ZNF746: variants seen among roughly 807,000 people sequenced by gnomAD.
The protein encoded by ZNF746 is parkin-interacting substrate.
A neutral mutation model predicts 41.0 loss-of-function variants in ZNF746; 13 were observed. That is an observed-to-expected ratio of 0.32 (90% CI 0.21 to 0.50). The LOEUF is 0.50. ZNF746 is among the 20% of genes least tolerant of loss of function. ZNF746 has a pLI of 0.98. For synonymous variants in ZNF746, 424 were observed against 396.2 expected, an observed-to-expected ratio of 1.07 and a Z score of -0.83; for missense variants, 811 against 922.9, an observed-to-expected ratio of 0.88 and a Z score of 1.57.
At chr7:149,476,850 A>G in intron 6 of ZNF746, 72 bp downstream of exon 6, 1 of 1,606,906 alleles carries the variant, frequency 6.2e-7, no homozygotes, top group Non-Finnish European at 8.5e-7. Context: ...ACCAGTGAAA[A>G]TGGGATGCCT....
chr7:149,475,176 C>T lies in ZNF746; in HGVS notation c.1191G>A (p.Trp397Ter). 1 of 1,612,684 alleles carries T rather than the reference C, an allele frequency of 6.2e-7. No individual in the cohort carries two copies. Residue 397 changes from tryptophan (W) to a stop codon, truncating the protein, a stop_gained, in exon 7 of 7, where the codon TGG becomes TGA. Coordinates refer to ENST00000458143, the MANE Select transcript of ZNF746 (RefSeq NM_001394198.1). LOFTEE classifies it low-confidence loss of function (END_TRUNC). ...DWLFGGVRWG[W>*]NFRCKPPVGL... is the part of the protein sequence containing the mutation. ...CCACTGGCGGTTTACACCGGAAATT[C>T]CAGCCCCACCGGACCCCTCCGAAGA...
intron 4 of ZNF746, among the ~76,000 whole-genome samples, chr7:149,484,714 G>GA (rs1180827426): frequency 6.6e-6 from 1 of 151,726 alleles, no homozygotes; most frequent in South Asian, 2.1e-4. Context: ...TATTTAAAAA[G>GA]AAAAAAATTA....
chr7:149,489,567 TGAG>T (rs1033704651), intron 4 of ZNF746: 2 of 152,286 alleles, frequency 1.3e-5, no homozygotes, highest in African/African-American at 2.4e-5. Flanking sequence ...GGGACCTGCC[TGAG>T]GAGGATTCCC....
At chr7:149,478,577 G>C (rs1173049277) in intron 4 of ZNF746, among the ~76,000 whole-genome samples, 2 of 152,178 alleles carry the variant, frequency 1.3e-5, no homozygotes, top group Admixed American at 1.3e-4. Context: ...CTGCCTCAGA[G>C]GGGCACCCAC....
In ZNF746 at chr7:149,497,123, G is replaced by A; in HGVS notation, c.24+390C>T. 4 of 985,342 alleles carry A rather than the reference G, an allele frequency of 4.1e-6. No individual in the cohort carries two copies. Among genetic ancestry groups the A allele is most frequent in the Non-Finnish European group, 4.8e-6 (4 of 829,894 alleles). The allele number at this position is 985,342 out of a possible 1,614,324, so 61.0% of individuals were successfully genotyped here. A position where few individuals can be genotyped will look rare whatever the true frequency, so the allele number is the denominator to read the frequency against. On this transcript the variant is annotated intron_variant, in intron 1 of 6. Transcript: ENST00000458143. This position sits in a 1 kb window ranked among gnomAD's most constrained non-coding sequence, Gnocchi z 4.2. ...ATTCGAAGCCGGACACCTCCCAGGT[G>A]CCACCAGGCCGCTGCGGGGGAGATG... is the stretch of plus-strand genomic sequence containing the variant.
chr7:149,493,873 G>T, intron 3 of ZNF746, 116 bp downstream of exon 3: 1 of 1,541,684 alleles, frequency 6.5e-7, no homozygotes, highest in Non-Finnish European at 8.9e-7. Context: ...CAACTTGCAA[G>T]GTCAACAATG....
chr7:149,488,422 T>C (rs1800689513), intron 4 of ZNF746: 1 of 152,186 alleles, frequency 6.6e-6, no homozygotes, highest in East Asian at 1.9e-4. Context: ...AAAACTTCCA[T>C]ACAAGAACTA....
intron 5 of ZNF746, 41 bp downstream of exon 5, chr7:149,477,523 C>A (rs760849611): frequency 2.6e-6 from 4 of 1,556,886 alleles, no homozygotes; most frequent in Non-Finnish European, 3.5e-6. Context: ...CTCCTGTGAT[C>A]CCTGCAACTT....
In ZNF746 at chr7:149,473,825, C is replaced by T. The variant is rs1034082985; in HGVS notation, c.*559G>A. On this transcript the variant is annotated 3_prime_UTR_variant, in exon 7 of 7. Coordinates refer to ENST00000458143, the MANE Select transcript of ZNF746 (RefSeq NM_001394198.1). ...AAGCTGGGAAATGCAACCGCTACTC[C>T]CGGAGGGGTCCTTCCTGCTGCACTG... 16 of 157,110 alleles carry T rather than the reference C, an allele frequency of 1.0e-4. No individual in the cohort carries two copies. The highest frequency in any genetic ancestry group is 5.7e-4 in the South Asian group (3 of 5,304). The allele number at this position is 157,110 out of a possible 1,614,324, so 9.7% of individuals were successfully genotyped here.
At chr7:149,482,208 AAAAGGT>A (rs1156369545) in intron 4 of ZNF746, among the ~76,000 whole-genome samples, 2 of 152,318 alleles carry the variant, frequency 1.3e-5, no homozygotes, top group Admixed American at 6.5e-5. Flanking sequence ...TTGGATATTT[AAAAGGT>A]AAAGGTAAAG....
chr7:149,493,881 A>G (rs1418667219), intron 3 of ZNF746, 108 bp downstream of exon 3: 4 of 1,570,916 alleles, frequency 2.5e-6, no homozygotes, highest in Non-Finnish European at 2.6e-6. Context: ...AAGGTCAACA[A>G]TGTTTCTGGT....
In ZNF746 at chr7:149,474,533, C is replaced by A; in HGVS notation, c.1834G>T (p.Ala612Ser). 1 of 1,606,868 alleles carries A rather than the reference C, an allele frequency of 6.2e-7. No homozygotes were observed. The highest frequency in any genetic ancestry group is 8.5e-7 in the Non-Finnish European group (1 of 1,176,992). The stretch of plus-strand genomic sequence containing the variant: ...GGCGTCGGGAGTGGCTGGCCTCGGG[C>A]CGGGGTCTTGGCGCCCGCTGCATGG... The part of the protein sequence containing the change: ...RNHAAGAKTP[A>S]RGQPLPTPPA... The change falls in exon 7 of 7, where the codon GCC (alanine) becomes TCC (serine). Residue 612 changes from alanine to serine, a missense_variant. Physicochemically the swap from Ala to Ser is moderately conservative, Grantham distance 99. This residue lies in a region of ZNF746 where 99 missense variants were observed against 80.3 expected (regional missense o/e 1.23). Coordinates refer to ENST00000458143, the MANE Select transcript of ZNF746 (RefSeq NM_001394198.1). The surrounding 1 kb of genome is among the most constrained non-coding windows in gnomAD (Gnocchi z 6.3).
Position 149,492,899 on chromosome 7 carries a change from A to T in ZNF746, c.525T>A (p.Pro175=). ...CAGGAACATCTGGAATCTTGGGGCC[A>T]GGGCGGCGCCAGTTGCAGGGCTCCT... ...QGKEPCNWRR[P]GPKIPDVPVD... is the part of the protein sequence containing the mutation. Residue 175 remains proline, a synonymous_variant, in exon 4 of 7, where the codon CCT becomes CCA. Coordinates refer to ENST00000458143, the MANE Select transcript of ZNF746 (RefSeq NM_001394198.1). 1 of 1,614,106 alleles carries T rather than the reference A, an allele frequency of 6.2e-7. No homozygotes were observed. The highest frequency in any genetic ancestry group is 1.3e-5 in the African/African-American group (1 of 75,050).
chr7:149,487,838 A>T (rs150745943), intron 4 of ZNF746: 70 of 152,336 alleles, frequency 4.6e-4, no homozygotes, highest in African/African-American at 1.6e-3. Context: ...ATTCTCCAGA[A>T]ATTAGACTGT....
chr7:149,493,414 C>T (rs1437867630), intron 3 of ZNF746, among the ~76,000 whole-genome samples: 2 of 152,168 alleles, frequency 1.3e-5, no homozygotes, highest in Non-Finnish European at 2.9e-5. Context: ...GCTCCGGGGT[C>T]ACACAGAAAC....
chr7:149,494,717 C>A lies in ZNF746; in HGVS notation c.25-214G>T, dbSNP rs1229577590. Among the ~76,000 whole-genome samples, 1 of 151,686 alleles carries A rather than the reference C, an allele frequency of 6.6e-6. No individual in the cohort carries two copies. Among genetic ancestry groups the A allele is most frequent in the Non-Finnish European group, 1.5e-5 (1 of 67,962 alleles). On this transcript the variant is annotated intron_variant, in intron 1 of 6. Transcript: ENST00000458143. The surrounding 1 kb of genome is among the most constrained non-coding windows in gnomAD (Gnocchi z 5.6). ...TGGGTGCCTTTACTCCAGGCCTCTG[C>A]AGCACAATGCAGACCCTTATCACGG...
chr7:149,497,075 G>A lies in ZNF746; in HGVS notation c.24+438C>T, dbSNP rs983054439. On this transcript the variant is annotated intron_variant, in intron 1 of 6. Coordinates refer to ENST00000458143, the MANE Select transcript of ZNF746 (RefSeq NM_001394198.1). This position sits in a 1 kb window ranked among gnomAD's most constrained non-coding sequence, Gnocchi z 4.2. ...GCGCCGACCCCGGGAAGCTGGGCAC[G>A]TAGTGGGAGTCGGTGTATGCGGATT... The A allele has an allele frequency of 2.0e-6, 2 of 985,292 alleles. No homozygotes were observed. Among genetic ancestry groups the A allele is most frequent in the African/African-American group, 1.7e-5 (1 of 57,238 alleles). The allele number at this position is 985,292 out of a possible 1,614,324, so 61.0% of individuals were successfully genotyped here.
chr7:149,497,551 C>T lies in ZNF746; in HGVS notation c.-15G>A. The T allele has an allele frequency of 9.4e-7, 1 of 1,066,574 alleles. No homozygotes were observed. Among genetic ancestry groups the T allele is most frequent in the Middle Eastern group, 4.3e-4 (1 of 2,346 alleles). 66.1% of individuals were successfully genotyped at this position (1,066,574 alleles called of 1,614,324 possible). ...GCCTCGGCCATGGCCCTGCGCTGTC[C>T]CGCCCGGCCCGGAGGAAGTCGTCGT... On this transcript the variant is annotated 5_prime_UTR_variant, in exon 1 of 7. Transcript: ENST00000458143. This position sits in a 1 kb window ranked among gnomAD's most constrained non-coding sequence, Gnocchi z 4.2.
intron 4 of ZNF746, among the ~76,000 whole-genome samples, chr7:149,492,398 A>G (rs1054544071): frequency 2.6e-5 from 4 of 152,240 alleles, no homozygotes; most frequent in Non-Finnish European, 5.9e-5. Context: ...CACACAGAAC[A>G]TACAAAATAT....
Sources: allele counts gnomAD v4.1 joint callset (sites outside exome capture counted in the v4.1 genomes callset), GRCh38; gene constraint gnomAD v4.1.1; regional missense constraint gnomAD v4.1.1; non-coding constraint Gnocchi (gnomAD v3.1); transcripts MANE v1.5; gene names NCBI Gene and HGNC (gene_info 2026-07-23, HGNC 2026-07-21).